The following RASSF1 variants were observed in gnomAD, a reference collection of about 807,000 sequenced individuals.
RASSF1 encodes the protein ras association domain-containing protein 1.
A neutral mutation model predicts 34.3 loss-of-function variants in RASSF1; 33 were observed. That is an observed-to-expected ratio of 0.96 (90% CI 0.73 to 1.29). The LOEUF is 1.29. RASSF1 is among the 50% of genes most tolerant of loss of function. RASSF1 has a pLI of 0.00. For synonymous variants in RASSF1, 191 were observed against 195.0 expected, an observed-to-expected ratio of 0.98 and a Z score of 0.17; for missense variants, 445 against 471.8, an observed-to-expected ratio of 0.94 and a Z score of 0.53.
chr3:50,330,299 TTC>T lies in RASSF1; in HGVS notation c.*280_*281del. ...CTTCTGAGACAAAAATTGAGGAGAC[TTC>T]TGTCTGCACCACTCCTGCTGCAGGC... On this transcript the variant is annotated 3_prime_UTR_variant, in exon 6 of 6. Transcript: ENST00000359365. The surrounding 1 kb of genome is among the most constrained non-coding windows in gnomAD (Gnocchi z 4.5). 1 of 382,508 alleles carries T rather than the reference TTC, an allele frequency of 2.6e-6. No homozygotes were observed. The highest frequency in any genetic ancestry group is 4.8e-6 in the Non-Finnish European group (1 of 209,644). 23.7% of individuals were successfully genotyped at this position (382,508 alleles called of 1,614,324 possible).
intron 2 of RASSF1, chr3:50,337,129 G>A (rs755781193): frequency 1.6e-5 from 24 of 1,542,960 alleles, no homozygotes; most frequent in Non-Finnish European, 2.1e-5. Flanking sequence ...CGGAGCTCCA[G>A]CGACCGCTTC....
In RASSF1 at chr3:50,332,088, A is replaced by G; in HGVS notation, c.424T>C (p.Tyr142His). Residue 142 changes from tyrosine (Y) to histidine (H), a missense_variant, in exon 3 of 6, where the codon TAC (tyrosine) becomes CAC (histidine). Tyr to His is a moderately conservative substitution (Grantham distance 83, BLOSUM62 2). Transcript: ENST00000359365. ...AGGTTGCTGTTGATCTGGGCATTGTACTCCTTGATCTTCTGCTCAATCTCA... is the reference window on the plus strand; with the variant it reads ...AGGTTGCTGTTGATCTGGGCATTGTGCTCCTTGATCTTCTGCTCAATCTCA... ...QAEIEQKIKE[Y>H]NAQINSNLFM... 6.2e-7 allele frequency: 1 copy of G among 1,613,926 alleles called. No individual in the cohort carries two copies. The highest frequency in any genetic ancestry group is 8.5e-7 in the Non-Finnish European group (1 of 1,179,978).
chr3:50,334,902 C>T (rs1484267106), intron 2 of RASSF1, among the ~76,000 whole-genome samples: 2 of 152,190 alleles, frequency 1.3e-5, no homozygotes, highest in Non-Finnish European at 2.9e-5. Context: ...TGGAATTTCC[C>T]TTCTGCACCA....
intron 2 of RASSF1, chr3:50,337,351 G>T: frequency 6.2e-7 from 1 of 1,605,134 alleles, no homozygotes. Flanking sequence ...AGTCCTGCGC[G>T]TCCGTAGCCG....
intron 2 of RASSF1, among the ~76,000 whole-genome samples, chr3:50,332,584 T>C (rs1702986160): frequency 6.6e-6 from 1 of 151,960 alleles, no homozygotes; most frequent in Non-Finnish European, 1.5e-5. Flanking sequence ...CCTCAGGAGT[T>C]TGAGACCAGC....
chr3:50,337,400 G>C, intron 2 of RASSF1: 10 of 1,588,750 alleles, frequency 6.3e-6, no homozygotes, highest in Non-Finnish European at 8.6e-6. Context: ...GTGTACGCGT[G>C]TCAGTGTGCG....
At chr3:50,337,882 T>C (rs759114038) in intron 2 of RASSF1, 23 bp downstream of exon 2, 2 of 1,557,738 alleles carry the variant, frequency 1.3e-6, no homozygotes, top group Admixed American at 1.7e-5. Flanking sequence ...GCCCTTCCCA[T>C]ACGCCCTCGG....
chr3:50,337,773 G>A, intron 2 of RASSF1, 132 bp downstream of exon 2: 1 of 1,019,386 alleles, frequency 9.8e-7, no homozygotes, highest in Non-Finnish European at 1.4e-6. Flanking sequence ...CGCAGAATTA[G>A]CCTCTCTGTG....
At position 50,337,527 on chromosome 3, in the gene RASSF1, C is replaced by G. The variant is rs1385169141; in HGVS notation, c.357+378G>C. ...GGGGCGGGGACACGCACGCTTCGCC[C>G]CCAGGAATGACCTCATCGCTCCGGA... On this transcript the variant is annotated intron_variant, in intron 2 of 5. Transcript: ENST00000359365. The G allele has an allele frequency of 2.0e-6, 3 of 1,516,486 alleles. No individual in the cohort carries two copies. In the African/African-American group the frequency reaches 4.1e-5, roughly 21 times the overall value. The allele number at this position is 1,516,486 out of a possible 1,614,324, so 93.9% of individuals were successfully genotyped here.
At chr3:50,339,417 G>GGGC (rs1703282440) in intron 1 of RASSF1, among the ~76,000 whole-genome samples, 1 of 146,710 alleles carries the variant, frequency 6.8e-6, no homozygotes, top group Non-Finnish European at 1.5e-5. Context: ...CAAGGCTGGA[G>GGGC]GGCAGTGGCA....
At chr3:50,333,271 G>C (rs1333328180) in intron 2 of RASSF1, among the ~76,000 whole-genome samples, 2 of 152,208 alleles carry the variant, frequency 1.3e-5, no homozygotes, top group Non-Finnish European at 2.9e-5. Context: ...CACATCAGTA[G>C]TCCAGCCACC....
chr3:50,332,706 C>G (rs143766152), intron 2 of RASSF1, among the ~76,000 whole-genome samples: 1,942 of 151,976 alleles, frequency 0.013, 47 homozygotes, highest in African/African-American at 0.044. Flanking sequence ...GTGGGAGGAT[C>G]GTTTGAGCCC....
At chr3:50,331,074 T>G (rs587688439) in intron 5 of RASSF1, among the ~76,000 whole-genome samples, 28 of 152,340 alleles carry the variant, frequency 1.8e-4, no homozygotes, top group Non-Finnish European at 3.4e-4. Context: ...TGTCATTAGA[T>G]GGACTCCTGC....
In RASSF1 at chr3:50,331,440, C is replaced by T. The variant is rs150999288; in HGVS notation, c.770G>A (p.Arg257Gln). The change falls in exon 5 of 6, where the codon CGG becomes CAG. Residue 257 changes from arginine (R) to glutamine (Q), a missense_variant. Coordinates refer to ENST00000359365, the MANE Select transcript of RASSF1 (RefSeq NM_007182.5). ...GGGCTGCTCATCATCCAACAGCTTCCGCAAGTACACTGTGAAGGGGAAGTA... is the reference window on the plus strand; with the variant it reads ...GGGCTGCTCATCATCCAACAGCTTCTGCAAGTACACTGTGAAGGGGAAGTA... ...RAERHGQVYL[R>Q]KLLDDEQPLR... The T allele has an allele frequency of 2.2e-3, 3,501 of 1,594,444 alleles. 6 individuals are homozygous for T. Among genetic ancestry groups the T allele is most frequent in the Non-Finnish European group, 2.6e-3 (3,049 of 1,167,922 alleles).
At chr3:50,333,020 G>T (rs1248092651) in intron 2 of RASSF1, among the ~76,000 whole-genome samples, 4 of 152,140 alleles carry the variant, frequency 2.6e-5, no homozygotes, top group Admixed American at 6.5e-5. Context: ...CTCAAACTCG[G>T]GAGGTGGAGG....
At chr3:50,331,514 T>C (rs113343324) in intron 4 of RASSF1, 45 bp downstream of exon 4, 1 of 1,479,524 alleles carries the variant, frequency 6.8e-7, no homozygotes, top group Non-Finnish European at 9.1e-7. Context: ...CTCAGGTGCA[T>C]GCGTATATAC....
At chr3:50,337,580 A>G (rs1222258860) in intron 2 of RASSF1, 36 of 1,335,958 alleles carry the variant, frequency 2.7e-5, no homozygotes, top group Non-Finnish European at 3.3e-5. Flanking sequence ...CACCTACCAC[A>G]GGGAACGGGG....
chr3:50,333,760 G>A (rs1483272627), intron 2 of RASSF1, among the ~76,000 whole-genome samples: 4 of 152,118 alleles, frequency 2.6e-5, no homozygotes, highest in African/African-American at 4.8e-5. Flanking sequence ...GATTACAGGC[G>A]TGAACCATCG....
chr3:50,337,834 G>C lies in RASSF1; in HGVS notation c.357+71C>G. On this transcript the variant is annotated intron_variant, in intron 2 of 5. Coordinates refer to ENST00000359365, the MANE Select transcript of RASSF1 (RefSeq NM_007182.5). ...GCTCCTTGCGCGCGGCACCCAGGCA[G>C]CCCTCGAGAATGCCTGCACTGTGGC... 4 of 1,384,638 alleles carry C rather than the reference G, an allele frequency of 2.9e-6. No individual in the cohort carries two copies. In the South Asian group the frequency reaches 5.1e-5, roughly 18 times the overall value. The allele number at this position is 1,384,638 out of a possible 1,614,324, so 85.8% of individuals were successfully genotyped here. A position where few individuals can be genotyped will look rare whatever the true frequency, so the allele number is the denominator to read the frequency against.
Sources: allele counts gnomAD v4.1 joint callset (sites outside exome capture counted in the v4.1 genomes callset), GRCh38; gene constraint gnomAD v4.1.1; non-coding constraint Gnocchi (gnomAD v3.1); transcripts MANE v1.5; gene names NCBI Gene and HGNC (gene_info 2026-07-23, HGNC 2026-07-21).